Variants in CLASP2 observed in about 807,000 individuals in gnomAD.
The protein encoded by CLASP2 is cytoplasmic linker associated protein 2, also known as CLIP-associating protein 2.
In CLASP2, 47 loss-of-function variants were observed where a neutral mutation model predicts 194.4. The ratio of observed to expected loss-of-function variants is 0.24; its 90% CI spans 0.19 to 0.31. The LOEUF (loss-of-function observed/expected upper bound fraction) is 0.31, where lower values mean the gene tolerates loss of function less well. CLASP2 is among the 10% of genes least tolerant of loss of function. The pLI, the probability that CLASP2 is intolerant of heterozygous loss-of-function variation, is 1.00. For synonymous variants in CLASP2, 619 were observed against 633.5 expected, an observed-to-expected ratio of 0.98 and a Z score of 0.34; for missense variants, 1,445 against 1,823.6, an observed-to-expected ratio of 0.79 and a Z score of 3.78.
At chr3:33,517,425 C>T (rs2051639482) in intron 34 of CLASP2, among the ~76,000 whole-genome samples, 1 of 152,186 alleles carries the variant, frequency 6.6e-6, no homozygotes, top group Non-Finnish European at 1.5e-5. Context: ...ATTCCCATCA[C>T]CCAGATTTAA....
chr3:33,616,251 A>T (rs1316224423), intron 12 of CLASP2, among the ~76,000 whole-genome samples: 1 of 152,060 alleles, frequency 6.6e-6, no homozygotes, highest in Non-Finnish European at 1.5e-5. Flanking sequence ...GAGGATTGCC[A>T]ACATTTCAAA....
chr3:33,651,738 C>G (rs1252865200), intron 7 of CLASP2, among the ~76,000 whole-genome samples: 1 of 148,772 alleles, frequency 6.7e-6, no homozygotes, highest in Non-Finnish European at 1.5e-5. Flanking sequence ...TGGCTCACTG[C>G]AACCTCTGCC....
In CLASP2 at chr3:33,616,039, GA is replaced by G. The variant is rs531793791; in HGVS notation, c.1317+3563del. On this transcript the variant is annotated intron_variant, in intron 12 of 38. Coordinates refer to ENST00000682230, the MANE Select transcript of CLASP2 (RefSeq NM_001365631.1). Reference sequence around the variant, plus strand: ...AGAAAAATAAAATGAGCTAAAAGTTGAAAAAAAAATAGAAACTAAAGAATTA... The same window carrying G: ...AGAAAAATAAAATGAGCTAAAAGTTGAAAAAAAATAGAAACTAAAGAATTA... 8.9e-3 allele frequency among the ~76,000 whole-genome samples: 1,300 copies of G among 146,640 alleles called. 21 individuals are homozygous for G. The highest frequency in any genetic ancestry group is 0.029 in the African/African-American group (1,158 of 40,036).
At chr3:33,659,117 C>G in intron 7 of CLASP2, 1 of 1,449,218 alleles carries the variant, frequency 6.9e-7, no homozygotes, top group Non-Finnish European at 9.1e-7. Context: ...TGACCCAGGC[C>G]TCGCTGCAGC....
chr3:33,555,186 AAT>A (rs1473025381), intron 29 of CLASP2, among the ~76,000 whole-genome samples: 2 of 152,182 alleles, frequency 1.3e-5, no homozygotes, highest in Non-Finnish European at 2.9e-5. Flanking sequence ...ATATGCCATA[AAT>A]ATATAGAATT....
intron 12 of CLASP2, among the ~76,000 whole-genome samples, chr3:33,615,641 A>G (rs2154270516): frequency 6.6e-6 from 1 of 152,070 alleles, no homozygotes; most frequent in East Asian, 1.9e-4. Context: ...AAAGTACTCA[A>G]TTCTATGCCA....
chr3:33,718,037 G>A lies in CLASP2; in HGVS notation c.-35C>T, dbSNP rs529511788. Reference sequence around the variant, plus strand: ...CGCCCGCCCGCCTGCCAGTCTGTGAGCGGCCAACTTTCGCCGAGAGCCGCC... The same window carrying A: ...CGCCCGCCCGCCTGCCAGTCTGTGAACGGCCAACTTTCGCCGAGAGCCGCC... On this transcript the variant is annotated 5_prime_UTR_variant, in exon 1 of 39. Transcript: ENST00000682230. 3.7e-4 allele frequency: 542 copies of A among 1,450,620 alleles called. 8 individuals are homozygous for A. In the East Asian group the frequency reaches 0.013, roughly 34 times the overall value. The allele number at this position is 1,450,620 out of a possible 1,614,324, so 89.9% of individuals were successfully genotyped here.
intron 8 of CLASP2, among the ~76,000 whole-genome samples, chr3:33,640,966 T>C (rs2081172964): frequency 6.6e-6 from 1 of 152,052 alleles, no homozygotes; most frequent in African/African-American, 2.4e-5. Flanking sequence ...CTATAGAATC[T>C]AAAAGAAACC....
In CLASP2 at chr3:33,517,128, C is replaced by T; in HGVS notation, c.3834G>A (p.Glu1278=). The T allele has an allele frequency of 6.2e-7, 1 of 1,613,410 alleles. No homozygotes were observed. The highest frequency in any genetic ancestry group is 8.5e-7 in the Non-Finnish European group (1 of 1,179,714). ...HSDLVAELLK[E]LSNHNERVEE... is the part of the protein sequence containing the mutation. ...CTACACGCTCATTATGGTTAGACAGCTCCTTCAACAACTCTGCAACTAGGT... is the reference window on the plus strand; with the variant it reads ...CTACACGCTCATTATGGTTAGACAGTTCCTTCAACAACTCTGCAACTAGGT... Residue 1278 remains glutamate, a synonymous_variant, in exon 35 of 39, where the codon GAG becomes GAA. Coordinates refer to ENST00000682230, the MANE Select transcript of CLASP2 (RefSeq NM_001365631.1).
At chr3:33,532,071 C>T (rs1050484010) in intron 34 of CLASP2, among the ~76,000 whole-genome samples, 1 of 152,100 alleles carries the variant, frequency 6.6e-6, no homozygotes, top group African/African-American at 2.4e-5. Flanking sequence ...ATGTGCACAC[C>T]AATGTTCATA....
At chr3:33,560,762 C>T in intron 28 of CLASP2, 46 bp downstream of exon 28, 1 of 1,526,838 alleles carries the variant, frequency 6.5e-7, no homozygotes, top group Non-Finnish European at 9.0e-7. Context: ...GTTAGATATT[C>T]CTAGTTATTA....
chr3:33,592,549 A>G (rs1235524266), intron 20 of CLASP2, 53 bp from the exon 21 acceptor site: 6 of 1,363,330 alleles, frequency 4.4e-6, no homozygotes, highest in Non-Finnish European at 6.1e-6. Flanking sequence ...AATAATGTTT[A>G]ATAATGAGAG....
intron 6 of CLASP2, chr3:33,682,911 T>C (rs970752153): frequency 6.6e-6 from 1 of 152,236 alleles, no homozygotes; most frequent in African/African-American, 2.4e-5. Flanking sequence ...TCTACCTGTA[T>C]GTTAATTGTG....
intron 10 of CLASP2, among the ~76,000 whole-genome samples, chr3:33,624,887 C>T (rs1354340115): frequency 6.6e-6 from 1 of 151,978 alleles, no homozygotes; most frequent in Non-Finnish European, 1.5e-5. Flanking sequence ...CACAAAGACA[C>T]ATTTCTCCCC....
At chr3:33,621,609 A>G (rs968936769) in intron 11 of CLASP2, among the ~76,000 whole-genome samples, 2 of 152,094 alleles carry the variant, frequency 1.3e-5, no homozygotes, top group African/African-American at 4.8e-5. Flanking sequence ...AAATATTGCT[A>G]GTAGGCACTT....
At chr3:33,582,517 G>A (rs1489930216) in intron 22 of CLASP2, among the ~76,000 whole-genome samples, 1 of 152,028 alleles carries the variant, frequency 6.6e-6, no homozygotes, top group African/African-American at 2.4e-5. Flanking sequence ...AAATTAGCTG[G>A]GGATGGTGGC....
At chr3:33,556,538 C>A (rs547985563) in intron 29 of CLASP2, among the ~76,000 whole-genome samples, 1 of 151,608 alleles carries the variant, frequency 6.6e-6, no homozygotes, top group East Asian at 2.0e-4. Flanking sequence ...TGGGTTCAAG[C>A]GATTCTCCTG....
rs768212793 is a variant in CLASP2, at chr3:33,592,423, A to T, written c.2040T>A (p.Ser680Arg). 3 of 1,613,636 alleles carry T rather than the reference A, an allele frequency of 1.9e-6. No homozygotes were observed. The stretch of plus-strand genomic sequence containing the variant: ...GTGATTGAGACACCATTTTTGTTCG[A>T]CTTCTTCCTCTAGAATCTGCCTTGG... The part of the protein sequence containing the change: ...GNAKADSRGR[S>R]RTKMVSQSQP... Residue 680 changes from serine to arginine, a missense_variant, in exon 21 of 39, where the codon AGT (serine) becomes AGA (arginine). Physicochemically the swap from Ser to Arg is moderately radical, Grantham distance 110. Coordinates refer to ENST00000682230, the MANE Select transcript of CLASP2 (RefSeq NM_001365631.1).
intron 7 of CLASP2, among the ~76,000 whole-genome samples, chr3:33,653,148 C>T (rs1233099804): frequency 1.3e-5 from 2 of 152,186 alleles, no homozygotes; most frequent in African/African-American, 4.8e-5. Context: ...AACACCTAAA[C>T]CCACTGCTCA....
Sources: gnomAD v4.1 joint callset for allele counts (sites outside exome capture counted in the v4.1 genomes callset) on GRCh38, gnomAD v4.1.1 for gene constraint, MANE v1.5 for transcripts, NCBI Gene and HGNC (gene_info 2026-07-23, HGNC 2026-07-21) for gene names.